Variants in ARAP1 observed in about 807,000 individuals in gnomAD.
The protein encoded by ARAP1 is ArfGAP with RhoGAP domain, ankyrin repeat and PH domain 1.
Under a neutral mutation model 172.2 loss-of-function variants are expected in ARAP1, and 76 were observed. That is an observed-to-expected ratio of 0.44 (90% CI 0.37 to 0.53). ARAP1 has a LOEUF of 0.53. Among genes scored for constraint, ARAP1 ranks in the 20% least tolerant of loss-of-function variants. The probability of loss-of-function intolerance (pLI) is 0.00; values close to 1 mark genes in which losing one functional copy is unlikely to be tolerated. For synonymous variants in ARAP1, 804 were observed against 803.3 expected (o/e 1.00, Z -0.01); for missense variants, 1,686 against 1,977.5 (o/e 0.85, Z 2.80).
In ARAP1 at chr11:72,719,623, C is replaced by T. The variant is rs545229982; in HGVS notation, c.510-5302G>A. ...CCAGGAACCAGCTTCATAGCCTTAG[C>T]GGCCTCTAATGCCACCTCCTTCTCC... On this transcript the variant is annotated intron_variant, in intron 3 of 34. Transcript: ENST00000393609. 2.3e-4 allele frequency among the ~76,000 whole-genome samples: 35 copies of T among 152,338 alleles called. No individual in the cohort carries two copies. In the South Asian group the frequency reaches 3.7e-3, roughly 16 times the overall value.
At chr11:72,719,112 C>T (rs1857404231) in intron 3 of ARAP1, among the ~76,000 whole-genome samples, 1 of 152,094 alleles carries the variant, frequency 6.6e-6, no homozygotes, top group African/African-American at 2.4e-5. Context: ...GTATTTGAAC[C>T]CTGGCAGCCC....
intron 8 of ARAP1, 76 bp downstream of exon 8, chr11:72,711,354 G>T: frequency 1.3e-6 from 2 of 1,542,814 alleles, no homozygotes; most frequent in South Asian, 2.3e-5. Flanking sequence ...CTCTGGGGAG[G>T]GACGCCACCT....
intron 1 of ARAP1, among the ~76,000 whole-genome samples, chr11:72,738,926 C>A (rs556457759): frequency 2.0e-4 from 30 of 152,334 alleles, no homozygotes; most frequent in African/African-American, 4.8e-4. Context: ...CCTTGGCCCC[C>A]TCCCCGGCCC....
At chr11:72,742,294 GT>G (rs1858223825) in intron 1 of ARAP1, among the ~76,000 whole-genome samples, 1 of 152,164 alleles carries the variant, frequency 6.6e-6, no homozygotes, top group African/African-American at 2.4e-5. Flanking sequence ...ACAAAAGGTC[GT>G]GTTTATGCAG....
At chr11:72,694,615 G>A (rs1186140881) in intron 27 of ARAP1, among the ~76,000 whole-genome samples, 1 of 152,020 alleles carries the variant, frequency 6.6e-6, no homozygotes, top group Non-Finnish European at 1.5e-5. Flanking sequence ...TAACCCCCAC[G>A]AGGATAGGGA....
chr11:72,728,895 T>C (rs926832076), intron 2 of ARAP1, among the ~76,000 whole-genome samples: 2 of 152,196 alleles, frequency 1.3e-5, no homozygotes, highest in Non-Finnish European at 2.9e-5. Context: ...ATTAAATATG[T>C]ACAGAATTTT....
chr11:72,704,514 C>T, intron 13 of ARAP1, 180 bp from the exon 14 acceptor site: 1 of 635,386 alleles, frequency 1.6e-6, no homozygotes, highest in Non-Finnish European at 2.6e-6. Flanking sequence ...CTCCTGCCAC[C>T]AGCACTGGGC....
At position 72,696,583 on chromosome 11, in the gene ARAP1, C is replaced by T. The variant is rs1298750773; in HGVS notation, c.3238G>A (p.Ala1080Thr). 1.2e-6 allele frequency: 2 copies of T among 1,602,386 alleles called. No individual in the cohort carries two copies. The highest frequency in any genetic ancestry group is 4.5e-5 in the East Asian group (2 of 44,412). ...LLVRLPPVNR[A>T]TVKALISHLY... ...TGGCTGATAAGGGCCTTCACTGTGG[C>T]CCGGTTGACAGGGGGCAGCCGCACC... Residue 1080 changes from alanine (A) to threonine (T), a missense_variant, in exon 23 of 35, where the codon GCC becomes ACC. Physicochemically the swap from Ala to Thr is moderately conservative, Grantham distance 58. This residue lies in a region of ARAP1 where 379 missense variants were observed against 500.1 expected (regional missense o/e 0.76). Coordinates refer to ENST00000393609, the MANE Select transcript of ARAP1 (RefSeq NM_001040118.3).
At position 72,695,450 on chromosome 11, in the gene ARAP1, G is replaced by A. The variant is rs199904660; in HGVS notation, c.3513C>T (p.Ala1171=). Residue 1171 remains alanine (A), a synonymous_variant, in exon 26 of 35, where the codon GCC becomes GCT. Transcript: ENST00000393609. This position sits in a 1 kb window ranked among gnomAD's most constrained non-coding sequence, Gnocchi z 4.4. ...VAGTASGTQH[A]GDFICTVYLE... is the part of the protein sequence containing the mutation. Reference sequence around the variant, plus strand: ...GATACACTGTGCAGATGAAGTCACCGGCATGCTGCAGGGAGACAGGGCTCA... The same window carrying A: ...GATACACTGTGCAGATGAAGTCACCAGCATGCTGCAGGGAGACAGGGCTCA... The A allele has an allele frequency of 1.1e-4, 173 of 1,614,198 alleles. No individual in the cohort carries two copies. The highest frequency in any genetic ancestry group is 1.3e-4 in the Non-Finnish European group (154 of 1,180,038).
rs969725486 is a variant in ARAP1, at chr11:72,726,583, G to A, written c.509+37C>T. The A allele has an allele frequency of 6.8e-7, 1 of 1,463,920 alleles. No individual in the cohort carries two copies. The highest frequency in any genetic ancestry group is 1.4e-5 in the South Asian group (1 of 72,548). 90.7% of individuals were successfully genotyped at this position (1,463,920 alleles called of 1,614,324 possible). On this transcript the variant is annotated intron_variant, in intron 3 of 34. Coordinates refer to ENST00000393609, the MANE Select transcript of ARAP1 (RefSeq NM_001040118.3). The surrounding 1 kb of genome is among the most constrained non-coding windows in gnomAD (Gnocchi z 6.5). ...CCCCATCTACCCTCTGGGATCCTCTGCCTGTGCGCCTCCCACCCTGGGTGG... is the reference window on the plus strand; with the variant it reads ...CCCCATCTACCCTCTGGGATCCTCTACCTGTGCGCCTCCCACCCTGGGTGG...
chr11:72,703,778 G>T, intron 14 of ARAP1: 1 of 218,754 alleles, frequency 4.6e-6, no homozygotes, highest in South Asian at 6.3e-5. Context: ...AGTGGGGTGT[G>T]GATGGGGATG....
intron 1 of ARAP1, among the ~76,000 whole-genome samples, chr11:72,734,079 GC>G (rs113131229): frequency 6.6e-6 from 1 of 151,656 alleles, no homozygotes; most frequent in African/African-American, 2.4e-5. Context: ...ACCCACCTCA[GC>G]CCCCCCAGTT....
Position 72,710,510 on chromosome 11 carries a change from A to T in ARAP1, c.1291T>A (p.Tyr431Asn). 6.2e-7 allele frequency: 1 copy of T among 1,613,940 alleles called. No homozygotes were observed. Among genetic ancestry groups the T allele is most frequent in the Middle Eastern group, 1.6e-4 (1 of 6,062 alleles). Reference protein sequence around the residue: ...QRARARLSSAYLLGVPGSEQP... With the variant: ...QRARARLSSANLLGVPGSEQP... Reference sequence around the variant, plus strand: ...TCTGAGCCTGGAACTCCCAGCAGATAAGCGCTAGAGAGCCGGGCCCGGGCA... The same window carrying T: ...TCTGAGCCTGGAACTCCCAGCAGATTAGCGCTAGAGAGCCGGGCCCGGGCA... Residue 431 changes from tyrosine (Y) to asparagine (N), a missense_variant, in exon 10 of 35, where the codon TAT becomes AAT. Physicochemically the swap from Tyr to Asn is moderately radical, Grantham distance 143. Coordinates refer to ENST00000393609, the MANE Select transcript of ARAP1 (RefSeq NM_001040118.3). This position sits in a 1 kb window ranked among gnomAD's most constrained non-coding sequence, Gnocchi z 4.3.
At chr11:72,700,423 ACT>A (rs1418524139) in intron 16 of ARAP1, 2 of 152,214 alleles carry the variant, frequency 1.3e-5, no homozygotes, top group African/African-American at 4.8e-5. Flanking sequence ...CCCACAGCAG[ACT>A]CTGTCTCTCA....
intron 21 of ARAP1, 63 bp downstream of exon 21, chr11:72,697,260 G>A: frequency 3.1e-6 from 5 of 1,589,576 alleles, no homozygotes; most frequent in Non-Finnish European, 4.3e-6. Flanking sequence ...GGGCCGCGCA[G>A]CTCTGGGGCG....
At chr11:72,722,196 AGT>A in intron 3 of ARAP1, 1 of 984,092 alleles carries the variant, frequency 1.0e-6, no homozygotes, top group African/African-American at 1.8e-5. Flanking sequence ...AGAGAGAGAG[AGT>A]GTGTGTGAGT....
At chr11:72,712,731 C>G (rs917168177) in intron 5 of ARAP1, 163 bp from the exon 6 acceptor site, 8 of 1,152,730 alleles carry the variant, frequency 6.9e-6, no homozygotes, top group Non-Finnish European at 1.0e-5. Flanking sequence ...GGAGACCACA[C>G]AGAGACCCAG....
chr11:72,711,357 C>A, intron 8 of ARAP1, 73 bp downstream of exon 8: 1 of 1,547,072 alleles, frequency 6.5e-7, no homozygotes, highest in South Asian at 1.1e-5. Flanking sequence ...TGGGGAGGGA[C>A]GCCACCTCGC....
At chr11:72,698,927 G>T (rs968392367) in intron 18 of ARAP1, 78 bp downstream of exon 18, 5 of 1,430,438 alleles carry the variant, frequency 3.5e-6, no homozygotes, top group Non-Finnish European at 4.9e-6. Flanking sequence ...GGGGGAGCTG[G>T]GATACATGGG....
Sources: gnomAD v4.1 joint callset for allele counts (sites outside exome capture counted in the v4.1 genomes callset) on GRCh38, gnomAD v4.1.1 for gene constraint, gnomAD v4.1.1 regional missense constraint, Gnocchi (gnomAD v3.1) non-coding constraint, MANE v1.5 for transcripts, NCBI Gene and HGNC (gene_info 2026-07-23, HGNC 2026-07-21) for gene names.